Variants in IRX6 observed in about 807,000 individuals in gnomAD.
The protein encoded by IRX6 is iroquois homeobox 6, also known as iroquois-class homeodomain protein IRX-6.
Under a neutral mutation model 47.7 loss-of-function variants are expected in IRX6, and 46 were observed. The observed-to-expected ratio is 0.96, with a 90% CI of 0.76 to 1.23. The LOEUF (loss-of-function observed/expected upper bound fraction) is 1.23, where lower values mean the gene tolerates loss of function less well. Among genes scored for constraint, IRX6 ranks in the 50% most tolerant of loss-of-function variants. The pLI is 0.00. For missense variants in IRX6, 722 were observed against 588.0 expected, an observed-to-expected ratio of 1.23 and a Z score of -2.36; for synonymous variants, 265 against 246.2, an observed-to-expected ratio of 1.08 and a Z score of -0.72.
rs1228030546 is a variant in IRX6 at position 55,329,262 on chromosome 16, G to T, written c.1284G>T (p.Pro428=). The T allele has an allele frequency of 5.6e-6, 9 of 1,613,024 alleles. No homozygotes were observed. Among genetic ancestry groups the T allele is most frequent in the Non-Finnish European group, 6.8e-6 (8 of 1,179,894 alleles). The change falls in exon 5 of 6, where the codon CCG becomes CCT. Residue 428 remains proline, a synonymous_variant. Transcript: ENST00000290552. The part of the protein sequence containing the change: ...QGLPLNCAPC[P]RRSEPVVQCQ... ...TACCGCTGAACTGTGCGCCGTGCCCGCGGAGGAGCGAGCCTGTAGTGCAGT... is the reference window on the plus strand; with the variant it reads ...TACCGCTGAACTGTGCGCCGTGCCCTCGGAGGAGCGAGCCTGTAGTGCAGT...
At position 55,330,749 on chromosome 16, in the gene IRX6, C is replaced by T. The variant is rs148786196; in HGVS notation, c.*444C>T. On this transcript the variant is annotated 3_prime_UTR_variant, in exon 6 of 6. Transcript: ENST00000290552. ...CTTGTGTCCTTAAAAATAATCAGTC[C>T]GAACCCATGTAGTGTGGCCTATCTT... 0.015 allele frequency: 3,302 copies of T among 222,584 alleles called. 37 individuals carry two copies. Among genetic ancestry groups the T allele is most frequent in the Middle Eastern group, 0.033 (19 of 576 alleles). The allele number at this position is 222,584 out of a possible 1,614,324, so 13.8% of individuals were successfully genotyped here. A position where few individuals can be genotyped will look rare whatever the true frequency, so the allele number is the denominator to read the frequency against.
chr16:55,325,017 T>C lies in IRX6; in HGVS notation c.-75T>C. 1.3e-6 allele frequency: 2 copies of C among 1,509,474 alleles called. No homozygotes were observed. The highest frequency in any genetic ancestry group is 1.8e-6 in the Non-Finnish European group (2 of 1,086,040). The allele number at this position is 1,509,474 out of a possible 1,614,324, so 93.5% of individuals were successfully genotyped here. On this transcript the variant is annotated 5_prime_UTR_variant, in exon 1 of 6. Coordinates refer to ENST00000290552, the MANE Select transcript of IRX6 (RefSeq NM_024335.3). ...GGTGTAAGGAACTGAGACACCTCACTGCTGGGGGCGCGGAACAGCTGGGCT... is the reference window on the plus strand; with the variant it reads ...GGTGTAAGGAACTGAGACACCTCACCGCTGGGGGCGCGGAACAGCTGGGCT...
Position 55,330,630 on chromosome 16 carries a change from CCT to C in IRX6, c.*326_*327del, listed in dbSNP as rs1252873694. On this transcript the variant is annotated 3_prime_UTR_variant, in exon 6 of 6. Coordinates refer to ENST00000290552, the MANE Select transcript of IRX6 (RefSeq NM_024335.3). ...AGCAAGGCTTCCTCTCCTGCTCACC[CCT>C]GTCTCTCACCTCCACCAACCCCACT... The C allele has an allele frequency of 4.4e-6, 2 of 454,782 alleles. No individual in the cohort carries two copies. The highest frequency in any genetic ancestry group is 8.0e-6 in the Non-Finnish European group (2 of 249,578). The allele number at this position is 454,782 out of a possible 1,614,324, so 28.2% of individuals were successfully genotyped here. A position where few individuals can be genotyped will look rare whatever the true frequency, so the allele number is the denominator to read the frequency against.
chr16:55,326,662 A>C, intron 2 of IRX6, 69 bp downstream of exon 2: 1 of 1,425,688 alleles, frequency 7.0e-7, no homozygotes. Context: ...AAAGTCAAGG[A>C]AAGACCCACA....
intron 2 of IRX6, chr16:55,326,974 A>AGGGG (rs1299330572): frequency 2.9e-5 from 2 of 69,950 alleles, no homozygotes; most frequent in African/African-American, 9.0e-5. Context: ...GGTGGGGGGC[A>AGGGG]GTAAGGGGGG....
chr16:55,327,846 A>AG lies in IRX6; in HGVS notation c.677dup (p.Gly227ArgfsTer12). 2 of 1,612,728 alleles carry AG rather than the reference A, an allele frequency of 1.2e-6. No homozygotes were observed. The highest frequency in any genetic ancestry group is 1.7e-6 in the Non-Finnish European group (2 of 1,179,592). On this transcript the variant is annotated frameshift_variant, in exon 4 of 6. Coordinates refer to ENST00000290552, the MANE Select transcript of IRX6 (RefSeq NM_024335.3). LOFTEE classifies it high-confidence loss of function. The stretch of plus-strand genomic sequence containing the variant: ...AAAGGTGGGGAGGAGAGGAAGGCAG[A>AG]GGGAGGAGAGGAGGACTCACTAGGC...
chr16:55,328,969 T>C lies in IRX6; in HGVS notation c.991T>C (p.Ser331Pro), dbSNP rs1222099788. The C allele has an allele frequency of 6.2e-7, 1 of 1,613,566 alleles. No homozygotes were observed. The highest frequency in any genetic ancestry group is 2.2e-5 in the East Asian group (1 of 44,878). The change falls in exon 5 of 6, where the codon TCG (serine) becomes CCG (proline). Residue 331 changes from serine to proline, a missense_variant. Ser to Pro is a moderately conservative substitution (Grantham distance 74). Coordinates refer to ENST00000290552, the MANE Select transcript of IRX6 (RefSeq NM_024335.3). ...CGGATCGGAAGAAGCTGACTTCCTC[T>C]CGGCGGAGACAGGCAGCCCTAGGTT... ...PSGSEEADFL[S>P]AETGSPRLTM...
chr16:55,330,224 A>T, intron 5 of IRX6, 74 bp from the exon 6 acceptor site: 1 of 1,399,794 alleles, frequency 7.1e-7, no homozygotes, highest in South Asian at 1.2e-5. Context: ...CAGAAGAGAC[A>T]TGGCTGACCC....
rs747188603 is a variant in IRX6, at chr16:55,330,325, G to T, written c.*20G>T. Reference sequence around the variant, plus strand: ...GGTTAGCGCAATGGCTGCGATTTGCGAAAGAATCTTGGAAATGGGCCCCAC... The same window carrying T: ...GGTTAGCGCAATGGCTGCGATTTGCTAAAGAATCTTGGAAATGGGCCCCAC... On this transcript the variant is annotated 3_prime_UTR_variant, in exon 6 of 6. Transcript: ENST00000290552. The T allele has an allele frequency of 6.2e-7, 1 of 1,613,168 alleles. No homozygotes were observed. The highest frequency in any genetic ancestry group is 8.5e-7 in the Non-Finnish European group (1 of 1,179,096).
intron 5 of IRX6, among the ~76,000 whole-genome samples, 160 bp from the exon 6 acceptor site, chr16:55,330,138 T>A (rs1302643510): frequency 6.6e-6 from 1 of 152,264 alleles, no homozygotes; most frequent in African/African-American, 2.4e-5. Context: ...TGGGTTACAC[T>A]GTTATTTGAA....
intron 2 of IRX6, chr16:55,327,049 C>T: frequency 1.9e-6 from 1 of 516,238 alleles, no homozygotes. Context: ...GCTTATTCTG[C>T]ACCAGGGATT....
Position 55,326,350 on chromosome 16 carries a change from A to ACC in IRX6, c.60_61insCC (p.Ser21ProfsTer82). On this transcript the variant is annotated frameshift_variant, in exon 2 of 6. Transcript: ENST00000290552. LOFTEE classifies it high-confidence loss of function. ...TGCCCCTATAGTTTCTGGCGTCGGCAAGTTCCAGCACCACATGCTGCGAAT... is the reference window on the plus strand; with the variant it reads ...TGCCCCTATAGTTTCTGGCGTCGGCACCAGTTCCAGCACCACATGCTGCGAAT... 6.2e-7 allele frequency: 1 copy of ACC among 1,613,334 alleles called. No individual in the cohort carries two copies. Among genetic ancestry groups the ACC allele is most frequent in the Non-Finnish European group, 8.5e-7 (1 of 1,179,706 alleles).
At position 55,326,502 on chromosome 16, in the gene IRX6, A is replaced by G. The variant is rs1201396086; in HGVS notation, c.212A>G (p.Tyr71Cys). ...RPELGAALGI[Y>C]GAPYAAAAAA... ...GAGCTGGGCGCCGCCTTGGGCATCTATGGAGCACCCTATGCGGCCGCTGCA... is the reference window on the plus strand; with the variant it reads ...GAGCTGGGCGCCGCCTTGGGCATCTGTGGAGCACCCTATGCGGCCGCTGCA... Residue 71 changes from tyrosine (Y) to cysteine (C), a missense_variant, in exon 2 of 6, where the codon TAT (tyrosine) becomes TGT (cysteine). Physicochemically the swap from Tyr to Cys is radical, Grantham distance 194. Transcript: ENST00000290552. 8.7e-6 allele frequency: 14 copies of G among 1,611,928 alleles called. No homozygotes were observed. The highest frequency in any genetic ancestry group is 1.7e-5 in the Admixed American group (1 of 59,802).
At position 55,325,499 on chromosome 16, in the gene IRX6, G is replaced by GA. The variant is rs1309277425; in HGVS notation, c.45+365dup. On this transcript the variant is annotated intron_variant, in intron 1 of 5. Coordinates refer to ENST00000290552, the MANE Select transcript of IRX6 (RefSeq NM_024335.3). ...AGAAATAAGGAAGGAAGGAAGGAAG[G>GA]AAGGAAGGAAGGAAGGAAGGAAGGA... Among the ~76,000 whole-genome samples, 51 of 20,284 alleles carry GA rather than the reference G, an allele frequency of 2.5e-3. 4 individuals carry two copies. The highest frequency in any genetic ancestry group is 4.3e-3 in the African/African-American group (11 of 2,536). The allele number at this position is 20,284 out of a possible 152,430, so 13.3% of individuals were successfully genotyped here. A position where few individuals can be genotyped will look rare whatever the true frequency, so the allele number is the denominator to read the frequency against.
intron 4 of IRX6, among the ~76,000 whole-genome samples, 174 bp downstream of exon 4, chr16:55,328,067 C>G (rs1377778285): frequency 6.6e-6 from 1 of 152,130 alleles, no homozygotes; most frequent in Non-Finnish European, 1.5e-5. Context: ...CTGTAATTCT[C>G]TACACAACCG....
At chr16:55,328,635 A>T (rs1960580089) in intron 4 of IRX6, 65 bp from the exon 5 acceptor site, 1 of 1,537,918 alleles carries the variant, frequency 6.5e-7, no homozygotes. Flanking sequence ...CTTCTCGGGG[A>T]TGGACATTCC....
At chr16:55,326,965 GTGGGGGGCAGTAA>G (rs1960540588) in intron 2 of IRX6, 2 of 99,184 alleles carry the variant, frequency 2.0e-5, no homozygotes, top group African/African-American at 1.4e-4. Context: ...GGGGCGGGGG[GTGGGGGGCAGTAA>G]GGGGGGAAAG....
chr16:55,329,669 C>A (rs1960608664), intron 5 of IRX6, among the ~76,000 whole-genome samples: 1 of 136,668 alleles, frequency 7.3e-6, no homozygotes, highest in Non-Finnish European at 1.6e-5. Flanking sequence ...TTGTCCCCTG[C>A]CTGCCTTTCA....
At position 55,325,128 on chromosome 16, in the gene IRX6, G is replaced by A. The variant is rs768272784; in HGVS notation, c.37G>A (p.Ala13Thr). The A allele has an allele frequency of 6.2e-7, 1 of 1,613,940 alleles. No individual in the cohort carries two copies. The highest frequency in any genetic ancestry group is 8.5e-7 in the Non-Finnish European group (1 of 1,180,010). ...ACACTTTGGACACCCGTACCGCGGC[G>A]CTTCCCAGGTAAGAGGCGCCTCTAT... ...FPHFGHPYRGASQFLASASSS... is the reference protein window; with the variant it reads ...FPHFGHPYRGTSQFLASASSS... Residue 13 changes from alanine to threonine, a missense_variant, in exon 1 of 6, where the codon GCT (alanine) becomes ACT (threonine). Ala to Thr is a moderately conservative substitution (Grantham distance 58, BLOSUM62 0). Transcript: ENST00000290552.
Sources: allele counts gnomAD v4.1 joint callset (sites outside exome capture counted in the v4.1 genomes callset), GRCh38; gene constraint gnomAD v4.1.1; transcripts MANE v1.5; gene names NCBI Gene and HGNC (gene_info 2026-07-23, HGNC 2026-07-21).